The following SLC8A3 variants were observed in gnomAD, a reference collection of about 807,000 sequenced individuals.
The protein encoded by SLC8A3 is solute carrier family 8 member A3, also known as sodium/calcium exchanger 3.
Under a neutral mutation model 65.4 loss-of-function variants are expected in SLC8A3, and 37 were observed. The observed-to-expected ratio is 0.57, with a 90% CI of 0.44 to 0.74. The LOEUF (loss-of-function observed/expected upper bound fraction) is 0.74. SLC8A3 is among the 30% of genes least tolerant of loss of function. SLC8A3 has a pLI of 0.00. For synonymous variants in SLC8A3, 461 were observed against 444.5 expected, an observed-to-expected ratio of 1.04 and a Z score of -0.47; for missense variants, 1,112 against 1,172.1, an observed-to-expected ratio of 0.95 and a Z score of 0.75.
At chr14:70,110,450 T>C (rs141351090) in intron 2 of SLC8A3, among the ~76,000 whole-genome samples, 370 of 152,240 alleles carry the variant, frequency 2.4e-3, no homozygotes, top group Non-Finnish European at 3.5e-3. Context: ...ATGTTTTTCT[T>C]TCTGTGCCTG....
Position 70,096,284 on chromosome 14 carries a change from C to T in SLC8A3, c.1785-35345G>A, listed in dbSNP as rs11847118. Among the ~76,000 whole-genome samples, 965 of 152,268 alleles carry T rather than the reference C, an allele frequency of 6.3e-3. 9 individuals are homozygous for T. Among genetic ancestry groups the T allele is most frequent in the African/African-American group, 0.022 (898 of 41,540 alleles). ...GAGAGTGACAAGCATCCACTTCCTA[C>T]CCTGTGTTTGGATGGGCTACATTGT... On this transcript the variant is annotated intron_variant, in intron 2 of 6. Transcript: ENST00000356921.
chr14:70,086,377 T>C (rs1891432543), intron 2 of SLC8A3, among the ~76,000 whole-genome samples: 1 of 147,484 alleles, frequency 6.8e-6, no homozygotes, highest in Non-Finnish European at 1.5e-5. Context: ...AATTTCTTTC[T>C]TTTCTTTTTT....
At chr14:70,051,159 A>ACTCCTCATTGGTTC in intron 4 of SLC8A3, 52 bp from the exon 5 acceptor site, 1 of 1,214,774 alleles carries the variant, frequency 8.2e-7, no homozygotes, top group Non-Finnish European at 1.2e-6. Flanking sequence ...CTCAGAACCA[A>ACTCCTCATTGGTTC]TGAGGAGTCT....
chr14:70,103,055 A>G (rs1168554482), intron 2 of SLC8A3, among the ~76,000 whole-genome samples: 2 of 152,100 alleles, frequency 1.3e-5, no homozygotes, highest in African/African-American at 4.8e-5. Flanking sequence ...ATATCTTGAA[A>G]CAGCCAAAGA....
chr14:70,116,678 A>G (rs1274746563), intron 2 of SLC8A3, among the ~76,000 whole-genome samples: 2 of 152,026 alleles, frequency 1.3e-5, no homozygotes, highest in Non-Finnish European at 1.5e-5. Context: ...TCCTCCTCTC[A>G]CAAAAGGGGA....
At chr14:70,099,333 T>C (rs770496858) in intron 2 of SLC8A3, among the ~76,000 whole-genome samples, 5 of 152,252 alleles carry the variant, frequency 3.3e-5, no homozygotes, top group Non-Finnish European at 7.3e-5. Flanking sequence ...AGACCCTATG[T>C]TGCCCACAAA....
intron 2 of SLC8A3, among the ~76,000 whole-genome samples, chr14:70,090,447 G>A (rs990946662): frequency 1.5e-4 from 23 of 152,000 alleles, no homozygotes; most frequent in African/African-American, 5.1e-4. Flanking sequence ...ACTTCACAGG[G>A]GTCACATTTT....
intron 2 of SLC8A3, among the ~76,000 whole-genome samples, chr14:70,072,922 A>G (rs527654560): frequency 1.3e-5 from 2 of 152,296 alleles, no homozygotes; most frequent in East Asian, 3.9e-4. Flanking sequence ...TGCTGGGATT[A>G]CAGGCATGAG....
intron 2 of SLC8A3, among the ~76,000 whole-genome samples, chr14:70,101,163 T>C (rs75401879): frequency 0.025 from 3,737 of 152,328 alleles, 75 homozygotes; most frequent in African/African-American, 0.058. Flanking sequence ...TCTCCTGGAC[T>C]GTGGATTCTG....
intron 1 of SLC8A3, among the ~76,000 whole-genome samples, chr14:70,174,681 T>TTTTTTTTTG (rs1897785904): frequency 8.0e-6 from 1 of 124,314 alleles, no homozygotes; most frequent in African/African-American, 2.8e-5. Context: ...TTTTTTTTTT[T>TTTTTTTTTG]TTTTTTTTTG....
At chr14:70,066,250 G>C (rs1889413715) in intron 2 of SLC8A3, among the ~76,000 whole-genome samples, 1 of 152,170 alleles carries the variant, frequency 6.6e-6, no homozygotes, top group South Asian at 2.1e-4. Context: ...ATCCCTTCCA[G>C]CTCTTGAACA....
intron 2 of SLC8A3, among the ~76,000 whole-genome samples, chr14:70,091,658 T>G (rs986799277): frequency 1.3e-5 from 2 of 152,348 alleles, no homozygotes. Flanking sequence ...TTTGATCATT[T>G]GAATCACCAT....
chr14:70,109,469 AT>A (rs758253764), intron 2 of SLC8A3, among the ~76,000 whole-genome samples: 2,512 of 151,420 alleles, frequency 0.017, 81 homozygotes, highest in South Asian at 0.15. Flanking sequence ...ATATATATAT[AT>A]ATAAAACAGA....
intron 2 of SLC8A3, among the ~76,000 whole-genome samples, chr14:70,156,476 C>T (rs573769134): frequency 2.6e-5 from 4 of 152,286 alleles, no homozygotes; most frequent in African/African-American, 9.6e-5. Context: ...TACAACTGAG[C>T]GCAGATACAG....
intron 2 of SLC8A3, among the ~76,000 whole-genome samples, chr14:70,069,942 G>T (rs1232549480): frequency 6.6e-6 from 1 of 152,178 alleles, no homozygotes; most frequent in Non-Finnish European, 1.5e-5. Context: ...GTGTGTGGAT[G>T]CTACTGGTCC....
rs1203586214 is a variant in SLC8A3, at chr14:70,046,078, G to T, written c.2635C>A (p.Pro879Thr). ...CCACCAAGCTCCCCTCCCAGGTGCG[G>T]CCGCCTTCGGTACAAGAGCACGCTG... ...CISVLLYRRRPHLGGELGGPR... is the reference protein window; with the variant it reads ...CISVLLYRRRTHLGGELGGPR... The change falls in exon 7 of 7, where the codon CCG becomes ACG. Residue 879 changes from proline (P) to threonine (T), a missense_variant. Coordinates refer to ENST00000356921, the MANE Select transcript of SLC8A3 (RefSeq NM_182932.3). This position sits in a 1 kb window ranked among gnomAD's most constrained non-coding sequence, Gnocchi z 4.2. 1.2e-6 allele frequency: 2 copies of T among 1,614,012 alleles called. No individual in the cohort carries two copies. Among genetic ancestry groups the T allele is most frequent in the Non-Finnish European group, 1.7e-6 (2 of 1,180,016 alleles).
chr14:70,183,351 A>G (rs1462425421), intron 1 of SLC8A3, among the ~76,000 whole-genome samples: 1 of 152,214 alleles, frequency 6.6e-6, no homozygotes, highest in Non-Finnish European at 1.5e-5. Context: ...TTATTTTTAA[A>G]TACTCACGTA....
At chr14:70,115,658 A>T (rs1893605470) in intron 2 of SLC8A3, among the ~76,000 whole-genome samples, 1 of 152,112 alleles carries the variant, frequency 6.6e-6, no homozygotes, top group Non-Finnish European at 1.5e-5. Context: ...AGGGAGCCTG[A>T]AAAGTGGGTG....
At chr14:70,057,937 A>G (rs1385334318) in intron 3 of SLC8A3, among the ~76,000 whole-genome samples, 1 of 152,138 alleles carries the variant, frequency 6.6e-6, no homozygotes, top group Admixed American at 6.5e-5. Context: ...AAGGCTTCCA[A>G]TGTCCAGGCC....
Sources: allele counts gnomAD v4.1 joint callset (sites outside exome capture counted in the v4.1 genomes callset), GRCh38; gene constraint gnomAD v4.1.1; non-coding constraint Gnocchi (gnomAD v3.1); transcripts MANE v1.5; gene names NCBI Gene and HGNC (gene_info 2026-07-23, HGNC 2026-07-21).